CFAP70: variants seen among roughly 807,000 people sequenced by gnomAD.
CFAP70 encodes the protein cilia- and flagella-associated protein 70.
Under a neutral mutation model 137.6 loss-of-function variants are expected in CFAP70, and 81 were observed. The observed-to-expected ratio is 0.59, with a 90% CI of 0.49 to 0.71. The LOEUF (loss-of-function observed/expected upper bound fraction) is 0.71. Among genes scored for constraint, CFAP70 ranks in the 30% least tolerant of loss-of-function variants. CFAP70 has a pLI of 0.00. For synonymous variants in CFAP70, 382 were observed against 423.6 expected (o/e 0.90, Z 1.20); for missense variants, 976 against 1,226.7 (o/e 0.80, Z 3.05).
In CFAP70 at chr10:73,340,970, G is replaced by A. The variant is rs1467214002; in HGVS notation, c.582+429C>T. Among the ~76,000 whole-genome samples, 4 of 152,182 alleles carry A rather than the reference G, an allele frequency of 2.6e-5. No homozygotes were observed. The South Asian group carries it at 8.3e-4, about 31-fold the overall frequency. ...GTTCCCAGCTCCCACCAGCTCCATG[G>A]AGCGTGTAGGCCCAGTCAGGACTCC... is the stretch of plus-strand genomic sequence containing the variant. On this transcript the variant is annotated intron_variant, in intron 6 of 26. Transcript: ENST00000310715.
At chr10:73,260,861 G>C (rs1029552280) in intron 25 of CFAP70, among the ~76,000 whole-genome samples, 17 of 152,100 alleles carry the variant, frequency 1.1e-4, no homozygotes, top group African/African-American at 4.1e-4. Context: ...TTCACTGATG[G>C]ACATGTAAAA....
In CFAP70 at chr10:73,291,634, A is replaced by G. The variant is rs1321695742; in HGVS notation, c.2020+6T>C. On this transcript the variant is annotated splice_donor_region_variant and intron_variant, in intron 18 of 26. Coordinates refer to ENST00000310715, the Ensembl canonical transcript of CFAP70. ...AAACACATTCAGATTACAAGAAAAT[A>G]TCTACCAAGTAAAGTCCAGGCTACA... 6.2e-6 allele frequency: 10 copies of G among 1,608,884 alleles called. No homozygotes were observed. Among genetic ancestry groups the G allele is most frequent in the South Asian group, 1.1e-5 (1 of 90,542 alleles).
At chr10:73,314,070 T>G (rs182086213) in intron 9 of CFAP70, among the ~76,000 whole-genome samples, 7 of 152,334 alleles carry the variant, frequency 4.6e-5, no homozygotes, top group Admixed American at 4.6e-4. Context: ...ATAAACAATT[T>G]TTTAATTAAA....
chr10:73,297,454 G>A (rs1407851629), intron 14 of CFAP70, among the ~76,000 whole-genome samples: 2 of 152,168 alleles, frequency 1.3e-5, no homozygotes, highest in African/African-American at 2.4e-5. Context: ...CTGAGCATTA[G>A]GTTTAGGCAT....
At chr10:73,339,452 G>GA (rs2053033730) in intron 6 of CFAP70, among the ~76,000 whole-genome samples, 2 of 152,242 alleles carry the variant, frequency 1.3e-5, no homozygotes, top group African/African-American at 4.8e-5. Flanking sequence ...TTTTCCAGCA[G>GA]AAAACCTCTG....
At chr10:73,288,715 G>T (rs1055551029) in intron 19 of CFAP70, among the ~76,000 whole-genome samples, 2 of 151,968 alleles carry the variant, frequency 1.3e-5, no homozygotes, top group Non-Finnish European at 2.9e-5. Context: ...TACACTTTAG[G>T]GTATGGCATA....
chr10:73,262,689 T>C (rs1416654341), intron 25 of CFAP70, among the ~76,000 whole-genome samples: 2 of 152,088 alleles, frequency 1.3e-5, no homozygotes, highest in Non-Finnish European at 2.9e-5. Flanking sequence ...AAAAAGAAAT[T>C]CGTGCATGGT....
chr10:73,287,411 A>G (rs1250057815), intron 19 of CFAP70, among the ~76,000 whole-genome samples: 4 of 152,218 alleles, frequency 2.6e-5, no homozygotes, highest in Non-Finnish European at 1.5e-5. Flanking sequence ...ATTGACTGAA[A>G]CGTTATGTGG....
Position 73,275,715 on chromosome 10 carries a change from T to C in CFAP70, c.2521-117A>G. On this transcript the variant is annotated intron_variant, in intron 21 of 26. Coordinates refer to ENST00000310715, the Ensembl canonical transcript of CFAP70. This position sits in a 1 kb window ranked among gnomAD's most constrained non-coding sequence, Gnocchi z 4.0. The stretch of plus-strand genomic sequence containing the variant: ...GAAATGTATTACAGAATGAAATAAT[T>C]ATCCTCAACTTCAAAAGGTAAAGGG... 1.1e-6 allele frequency: 1 copy of C among 910,520 alleles called. No individual in the cohort carries two copies. The highest frequency in any genetic ancestry group is 1.5e-6 in the Non-Finnish European group (1 of 647,636). The allele number at this position is 910,520 out of a possible 1,614,324, so 56.4% of individuals were successfully genotyped here.
chr10:73,266,251 A>C (rs948314856), intron 25 of CFAP70, among the ~76,000 whole-genome samples: 4 of 152,198 alleles, frequency 2.6e-5, no homozygotes, highest in African/African-American at 9.6e-5. Context: ...TTCAAAAGTC[A>C]AAAGGATATA....
At chr10:73,304,601 G>A (rs777987815) in intron 12 of CFAP70, among the ~76,000 whole-genome samples, 2 of 152,014 alleles carry the variant, frequency 1.3e-5, no homozygotes, top group African/African-American at 2.4e-5. Flanking sequence ...GTATTGTGTT[G>A]GTGAATATGT....
At chr10:73,259,261 GC>G (rs1420768419) in intron 25 of CFAP70, among the ~76,000 whole-genome samples, 10 of 152,100 alleles carry the variant, frequency 6.6e-5, no homozygotes, top group Admixed American at 2.6e-4. Context: ...AATATTGGGG[GC>G]TGGTTACCCC....
chr10:73,334,412 A>G (rs1390387220), intron 7 of CFAP70, among the ~76,000 whole-genome samples: 2 of 152,182 alleles, frequency 1.3e-5, no homozygotes, highest in East Asian at 3.9e-4. Flanking sequence ...CTCCTCTTCC[A>G]AATTTCTGCC....
chr10:73,275,314 T>G lies in CFAP70; in HGVS notation c.2673+132A>C. On this transcript the variant is annotated intron_variant, in intron 22 of 26. Coordinates refer to ENST00000310715, the Ensembl canonical transcript of CFAP70. The surrounding 1 kb of genome is among the most constrained non-coding windows in gnomAD (Gnocchi z 4.0). Reference sequence around the variant, plus strand: ...TACTTAAGAAAAGCAAATGGAAGGGTATAGAGAGATGAGTTTACTGACAGC... The same window carrying G: ...TACTTAAGAAAAGCAAATGGAAGGGGATAGAGAGATGAGTTTACTGACAGC... 1 of 1,044,594 alleles carries G rather than the reference T, an allele frequency of 9.6e-7. No homozygotes were observed. Among genetic ancestry groups the G allele is most frequent in the Non-Finnish European group, 1.4e-6 (1 of 729,704 alleles). The allele number at this position is 1,044,594 out of a possible 1,614,324, so 64.7% of individuals were successfully genotyped here.
At chr10:73,327,838 A>T (rs1451503588) in intron 8 of CFAP70, among the ~76,000 whole-genome samples, 3 of 152,182 alleles carry the variant, frequency 2.0e-5, no homozygotes, top group African/African-American at 7.2e-5. Context: ...AAAATAAAAG[A>T]GGATACAAAG....
rs2046650807 is a variant in CFAP70, at chr10:73,275,485, T to C, written c.2634A>G (p.Ala878=). ...GGGCTGCTTGTTGAAGGTATTCCTC[T>C]GCCTTGGCAAAGTTCTTCTTAAGAA... is the stretch of plus-strand genomic sequence containing the variant. The change falls in exon 22 of 27, where the codon GCA becomes GCG. Residue 878 remains alanine, a synonymous_variant. Coordinates refer to ENST00000310715, the Ensembl canonical transcript of CFAP70. The surrounding 1 kb of genome is among the most constrained non-coding windows in gnomAD (Gnocchi z 4.0). 6.2e-7 allele frequency: 1 copy of C among 1,611,222 alleles called. No homozygotes were observed. The highest frequency in any genetic ancestry group is 2.2e-5 in the East Asian group (1 of 44,660).
chr10:73,262,023 T>TG lies in CFAP70; in HGVS notation c.3028-5608_3028-5607insC, dbSNP rs1351316900. Among the ~76,000 whole-genome samples, 180 of 145,454 alleles carry TG rather than the reference T, an allele frequency of 1.2e-3. 1 individual carries two copies. Among genetic ancestry groups the TG allele is most frequent in the African/African-American group, 4.3e-3 (170 of 39,272 alleles). ...GTATACATATGTATATATGTATATA[T>TG]TATATATGTATATATGTATATATTA... On this transcript the variant is annotated intron_variant, in intron 25 of 26. Transcript: ENST00000310715.
intron 12 of CFAP70, among the ~76,000 whole-genome samples, chr10:73,308,095 C>T (rs913800717): frequency 2.6e-5 from 4 of 151,794 alleles, no homozygotes; most frequent in South Asian, 4.2e-4. Flanking sequence ...GCAGAGGTTG[C>T]GGTGAGCCAA....
intron 7 of CFAP70, among the ~76,000 whole-genome samples, chr10:73,331,695 T>C (rs2052114970): frequency 6.6e-6 from 1 of 152,160 alleles, no homozygotes; most frequent in African/African-American, 2.4e-5. Flanking sequence ...AAAAATTTTT[T>C]TTCTTACTGG....
Sources: gnomAD v4.1 joint callset for allele counts (sites outside exome capture counted in the v4.1 genomes callset) on GRCh38, gnomAD v4.1.1 for gene constraint, Gnocchi (gnomAD v3.1) non-coding constraint, MANE v1.5 for transcripts, NCBI Gene and HGNC (gene_info 2026-07-23, HGNC 2026-07-21) for gene names.